NKAIN2: variants seen among roughly 807,000 people sequenced by gnomAD.
NKAIN2 encodes the protein sodium/potassium-transporting ATPase subunit beta-1-interacting protein 2.
A neutral mutation model predicts 32.6 loss-of-function variants in NKAIN2; 14 were observed. The observed-to-expected ratio is 0.43, with a 90% CI of 0.28 to 0.67. NKAIN2 has a LOEUF of 0.67. Ranked by LOEUF, NKAIN2 falls within the 30% of genes least tolerant of loss-of-function variation. NKAIN2 has a pLI of 0.17. For synonymous variants in NKAIN2, 80 were observed against 87.2 expected, an observed-to-expected ratio of 0.92 and a Z score of 0.46; for missense variants, 198 against 258.3, an observed-to-expected ratio of 0.77 and a Z score of 1.60.
chr6:124,809,257 A>G (rs943342809), intron 5 of NKAIN2, among the ~76,000 whole-genome samples: 2 of 151,196 alleles, frequency 1.3e-5, no homozygotes, highest in Admixed American at 6.6e-5. Flanking sequence ...AGTAACCAAA[A>G]CAGCATGGTA....
chr6:124,706,785 A>C (rs1775096251), intron 4 of NKAIN2, among the ~76,000 whole-genome samples: 1 of 152,192 alleles, frequency 6.6e-6, no homozygotes, highest in Non-Finnish European at 1.5e-5. Context: ...AAAAACTAAA[A>C]TAAAATAAAA....
chr6:124,474,964 C>T (rs550060553), intron 3 of NKAIN2, among the ~76,000 whole-genome samples: 43 of 147,200 alleles, frequency 2.9e-4, no homozygotes, highest in East Asian at 1.6e-3. Context: ...ATATATATAA[C>T]GTATAGACAC....
At chr6:124,095,107 C>T (rs1005682136) in intron 1 of NKAIN2, among the ~76,000 whole-genome samples, 2 of 152,062 alleles carry the variant, frequency 1.3e-5, no homozygotes, top group Non-Finnish European at 1.5e-5. Context: ...TGATGATTAG[C>T]ATAGTTGAAA....
At chr6:124,347,833 C>G (rs1798509206) in intron 2 of NKAIN2, among the ~76,000 whole-genome samples, 1 of 152,236 alleles carries the variant, frequency 6.6e-6, no homozygotes, top group South Asian at 2.1e-4. Flanking sequence ...CTTCTCTGCA[C>G]TCGTCAAAGT....
intron 3 of NKAIN2, among the ~76,000 whole-genome samples, chr6:124,514,298 C>T (rs1583367377): frequency 6.6e-6 from 1 of 152,130 alleles, no homozygotes; most frequent in Non-Finnish European, 1.5e-5. Flanking sequence ...AGATCCAGAA[C>T]AAGAAGTTTG....
chr6:124,271,432 G>T (rs770497021), intron 1 of NKAIN2, among the ~76,000 whole-genome samples: 2 of 152,144 alleles, frequency 1.3e-5, no homozygotes, highest in African/African-American at 2.4e-5. Flanking sequence ...TAGCCGGGAT[G>T]GTCTTGATCT....
intron 2 of NKAIN2, among the ~76,000 whole-genome samples, chr6:124,311,160 A>C (rs1354640713): frequency 6.6e-6 from 1 of 152,130 alleles, no homozygotes; most frequent in African/African-American, 2.4e-5. Context: ...GAAAGCAGAA[A>C]GAGGGGACAA....
At chr6:124,409,655 C>A (rs1488810903) in intron 3 of NKAIN2, among the ~76,000 whole-genome samples, 1 of 152,098 alleles carries the variant, frequency 6.6e-6, no homozygotes, top group African/African-American at 2.4e-5. Context: ...CTAAAATTCT[C>A]TTTTCTTGTT....
chr6:123,873,198 G>A (rs72613288), intron 1 of NKAIN2, among the ~76,000 whole-genome samples: 26,955 of 82,950 alleles, frequency 0.32, 3,176 homozygotes, highest in East Asian at 0.56. Context: ...ACCCCCACCC[G>A]CCATGGAAGA....
intron 1 of NKAIN2, among the ~76,000 whole-genome samples, chr6:124,103,824 A>G (rs896434864): frequency 1.3e-5 from 2 of 152,162 alleles, no homozygotes; most frequent in Non-Finnish European, 2.9e-5. Flanking sequence ...GCGGTGGCTC[A>G]TGCCTGTAAT....
chr6:124,289,793 T>C (rs1795717297), intron 2 of NKAIN2, among the ~76,000 whole-genome samples: 1 of 152,142 alleles, frequency 6.6e-6, no homozygotes. Context: ...CTACAAGTCA[T>C]TTCTAAGAAG....
At chr6:123,813,373 C>T (rs553122860) in intron 1 of NKAIN2, among the ~76,000 whole-genome samples, 22 of 152,230 alleles carry the variant, frequency 1.4e-4, no homozygotes, top group South Asian at 6.2e-4. Flanking sequence ...TATAAGCTAG[C>T]GATCAGGTAC....
Position 124,552,010 on chromosome 6 carries a change from G to A in NKAIN2, c.274-106176G>A, listed in dbSNP as rs117457908. On this transcript the variant is annotated intron_variant, in intron 3 of 6. Transcript: ENST00000368417. ...AATCGTTAGAAACTGAGCATGACCC[G>A]TTGCACAACAGCATACTGAACAGAA... Among the ~76,000 whole-genome samples, 551 of 152,284 alleles carry A rather than the reference G, an allele frequency of 3.6e-3. 2 individuals are homozygous for A. The highest frequency in any genetic ancestry group is 5.4e-3 in the Non-Finnish European group (370 of 68,014).
At chr6:124,654,516 A>G (rs961495822) in intron 3 of NKAIN2, among the ~76,000 whole-genome samples, 2 of 152,242 alleles carry the variant, frequency 1.3e-5, no homozygotes, top group African/African-American at 4.8e-5. Context: ...TAAAATAAAA[A>G]AGAGAGAGAG....
intron 3 of NKAIN2, among the ~76,000 whole-genome samples, chr6:124,606,444 T>C: frequency 6.6e-6 from 1 of 152,214 alleles, no homozygotes; most frequent in South Asian, 2.1e-4. Flanking sequence ...GCTATAGTCT[T>C]TAATAGTATA....
At chr6:123,888,795 G>A (rs1399582613) in intron 1 of NKAIN2, among the ~76,000 whole-genome samples, 1 of 152,040 alleles carries the variant, frequency 6.6e-6, no homozygotes, top group Non-Finnish European at 1.5e-5. Flanking sequence ...TTAGGGGTAA[G>A]TTTTAACTAT....
rs1776437949 is a variant in NKAIN2, at chr6:123,935,117, A to G, written c.54+130863A>G. Among the ~76,000 whole-genome samples the G allele has an allele frequency of 6.1e-5, 9 of 147,528 alleles. No individual in the cohort carries two copies. The South Asian group carries it at 1.9e-3, about 31-fold the overall frequency. On this transcript the variant is annotated intron_variant, in intron 1 of 6. Coordinates refer to ENST00000368417, the MANE Select transcript of NKAIN2 (RefSeq NM_001040214.3). ...AGATATTTCATATATATATTGAAATAAATATGTTAAATATATATTTATTGA... is the reference window on the plus strand; with the variant it reads ...AGATATTTCATATATATATTGAAATGAATATGTTAAATATATATTTATTGA...
intron 4 of NKAIN2, among the ~76,000 whole-genome samples, chr6:124,692,396 A>AC (rs1308233409): frequency 3.3e-5 from 5 of 152,348 alleles, no homozygotes; most frequent in Non-Finnish European, 7.3e-5. Flanking sequence ...TATAAAAATA[A>AC]ACAAAGCTCT....
intron 1 of NKAIN2, among the ~76,000 whole-genome samples, chr6:124,226,253 C>T (rs1792101096): frequency 6.6e-6 from 1 of 151,940 alleles, no homozygotes; most frequent in African/African-American, 2.4e-5. Context: ...TGATAGACTT[C>T]TTATGCTTGG....
Sources: gnomAD v4.1 joint callset for allele counts (sites outside exome capture counted in the v4.1 genomes callset) on GRCh38, gnomAD v4.1.1 for gene constraint, MANE v1.5 for transcripts, NCBI Gene and HGNC (gene_info 2026-07-23, HGNC 2026-07-21) for gene names.